The following COL5A1 variants were observed in gnomAD, a reference collection of about 807,000 sequenced individuals.
The protein encoded by COL5A1 is collagen type V alpha 1 chain.
Under a neutral mutation model 263.7 loss-of-function variants are expected in COL5A1, and 16 were observed. That is an observed-to-expected ratio of 0.06 (90% CI 0.04 to 0.09). The LOEUF (loss-of-function observed/expected upper bound fraction) is 0.09. Among genes scored for constraint, COL5A1 ranks in the 10% least tolerant of loss-of-function variants. COL5A1 has a pLI of 1.00. For synonymous variants in COL5A1, 1,012 were observed against 1,004.5 expected, an observed-to-expected ratio of 1.01 and a Z score of -0.14; for missense variants, 2,036 against 2,540.5, an observed-to-expected ratio of 0.80 and a Z score of 4.27.
intron 43 of COL5A1, among the ~76,000 whole-genome samples, chr9:134,809,730 G>A (rs1275980912): frequency 6.6e-6 from 1 of 152,170 alleles, no homozygotes; most frequent in Non-Finnish European, 1.5e-5. Flanking sequence ...CCAAAACGAT[G>A]GCTGCAGGAG....
intron 57 of COL5A1, 125 bp downstream of exon 57, chr9:134,819,178 T>C: frequency 3.7e-6 from 4 of 1,070,008 alleles, no homozygotes; most frequent in Middle Eastern, 4.3e-4. Flanking sequence ...TGCAGGCTGG[T>C]GGTGGGGAAC....
intron 65 of COL5A1, among the ~76,000 whole-genome samples, chr9:134,836,192 C>T (rs1839850116): frequency 6.6e-6 from 1 of 152,202 alleles, no homozygotes; most frequent in South Asian, 2.1e-4. Context: ...GCAGGCTGTC[C>T]AGGAATCGTT....
At chr9:134,805,811 AG>A (rs202204267) in intron 41 of COL5A1, among the ~76,000 whole-genome samples, 3,606 of 151,302 alleles carry the variant, frequency 0.024, 40 homozygotes, top group East Asian at 0.045. Context: ...CCTGGAGGAG[AG>A]GGGGTGCCCC....
chr9:134,669,530 C>T (rs892903256), intron 1 of COL5A1, among the ~76,000 whole-genome samples: 1 of 152,056 alleles, frequency 6.6e-6, no homozygotes, highest in South Asian at 2.1e-4. Context: ...CACTAGGCGG[C>T]CAGGAGTGGC....
intron 18 of COL5A1, among the ~76,000 whole-genome samples, chr9:134,759,589 T>C (rs200927439): frequency 0.05 from 2,227 of 44,842 alleles, 352 homozygotes; most frequent in African/African-American, 0.18. Flanking sequence ...CCCCCACACA[T>C]GCATACACCC....
chr9:134,754,230 A>C lies in COL5A1; in HGVS notation c.1774-43A>C, dbSNP rs775340168. On this transcript the variant is annotated intron_variant, in intron 15 of 65. Transcript: ENST00000371817. The surrounding 1 kb of genome is among the most constrained non-coding windows in gnomAD (Gnocchi z 4.3). ...CAAGGCTTTGCTCTTTCTCCTGAGA[A>C]AGGCGGACTCGCCACTGACCCTTTG... 6.2e-7 allele frequency: 1 copy of C among 1,604,054 alleles called. No individual in the cohort carries two copies. Among genetic ancestry groups the C allele is most frequent in the South Asian group, 1.1e-5 (1 of 90,912 alleles).
intron 39 of COL5A1, 126 bp from the exon 40 acceptor site, chr9:134,804,849 G>C (rs1838237630): frequency 1.2e-6 from 1 of 807,876 alleles, no homozygotes; most frequent in African/African-American, 1.7e-5. Context: ...CCTCGCTCTG[G>C]GACTGGTGAG....
chr9:134,668,350 C>T (rs1361801836), intron 1 of COL5A1, among the ~76,000 whole-genome samples: 5 of 152,090 alleles, frequency 3.3e-5, no homozygotes, highest in East Asian at 1.9e-4. Context: ...GAGTGGGAGT[C>T]GGGGGAAGAG....
Position 134,816,957 on chromosome 9 carries a change from A to G in COL5A1, c.4123-69A>G, listed in dbSNP as rs3811149. On this transcript the variant is annotated intron_variant, in intron 52 of 65. Transcript: ENST00000371817. ...GAGGAGTAAATAGACTGAAATCGCC[A>G]TGTGTTTTGCCTCAATTGAGTCTAA... is the stretch of plus-strand genomic sequence containing the variant. The G allele has an allele frequency of 0.56, 773,507 of 1,381,236 alleles. 220,753 individuals are homozygous for G. Among genetic ancestry groups the G allele is most frequent in the African/African-American group, 0.82 (57,912 of 70,446 alleles). 85.6% of individuals were successfully genotyped at this position (1,381,236 alleles called of 1,614,324 possible).
chr9:134,835,328 C>T (rs1839815348), intron 65 of COL5A1, 124 bp downstream of exon 65: 2 of 830,780 alleles, frequency 2.4e-6, no homozygotes, highest in African/African-American at 1.7e-5. Flanking sequence ...CCGGACCAGA[C>T]TCTCGCCCCA....
chr9:134,784,472 C>A (rs959600086), intron 29 of COL5A1, among the ~76,000 whole-genome samples: 3 of 152,196 alleles, frequency 2.0e-5, no homozygotes, highest in Admixed American at 6.5e-5. Context: ...TTGGACGAGG[C>A]GGAATTTAAG....
At chr9:134,787,543 C>T (rs1268396526) in intron 31 of COL5A1, among the ~76,000 whole-genome samples, 7 of 152,194 alleles carry the variant, frequency 4.6e-5, no homozygotes, top group Non-Finnish European at 1.0e-4. Flanking sequence ...TGAGCGACCT[C>T]ACTGCGGTGC....
chr9:134,807,750 T>C (rs1373479728), intron 42 of COL5A1, among the ~76,000 whole-genome samples: 4 of 152,252 alleles, frequency 2.6e-5, no homozygotes, highest in African/African-American at 9.6e-5. Flanking sequence ...TGGTGTCTTC[T>C]AATCATTTCC....
intron 65 of COL5A1, among the ~76,000 whole-genome samples, chr9:134,836,260 G>C (rs1839852382): frequency 6.6e-6 from 1 of 151,416 alleles, no homozygotes. Context: ...GTCTTGGGAA[G>C]GTGAAGGGGC....
chr9:134,684,722 C>T, intron 1 of COL5A1, among the ~76,000 whole-genome samples: 1 of 152,188 alleles, frequency 6.6e-6, no homozygotes, highest in Non-Finnish European at 1.5e-5. Context: ...CGTGGAAATG[C>T]CTGTTGGGGA....
At chr9:134,817,736 G>A in intron 53 of COL5A1, 42 bp from the exon 54 acceptor site, 1 of 1,597,966 alleles carries the variant, frequency 6.3e-7, no homozygotes, top group Non-Finnish European at 8.6e-7. Flanking sequence ...CTCCACCCCT[G>A]CAGGCCACAC....
chr9:134,652,649 C>A lies in COL5A1; in HGVS notation c.109+10353C>A. The stretch of plus-strand genomic sequence containing the variant: ...GCCCCCACCAAAAAGACTGACCCAG[C>A]CCGGAGGCTGCAGGAATCGTGGGAT... On this transcript the variant is annotated intron_variant, in intron 1 of 65. Coordinates refer to ENST00000371817, the MANE Select transcript of COL5A1 (RefSeq NM_000093.5). This position sits in a 1 kb window ranked among gnomAD's most constrained non-coding sequence, Gnocchi z 4.4. 1 of 470,338 alleles carries A rather than the reference C, an allele frequency of 2.1e-6. No individual in the cohort carries two copies. The highest frequency in any genetic ancestry group is 4.4e-6 in the Non-Finnish European group (1 of 226,644). 29.1% of individuals were successfully genotyped at this position (470,338 alleles called of 1,614,324 possible). A position where few individuals can be genotyped will look rare whatever the true frequency, so the allele number is the denominator to read the frequency against.
intron 31 of COL5A1, among the ~76,000 whole-genome samples, chr9:134,786,936 A>G (rs1323251563): frequency 6.6e-6 from 1 of 152,132 alleles, no homozygotes; most frequent in Admixed American, 6.5e-5. Context: ...TTCCATTCTC[A>G]TTAAGGAAAT....
chr9:134,670,349 G>C (rs1037508491), intron 1 of COL5A1, among the ~76,000 whole-genome samples: 1 of 152,218 alleles, frequency 6.6e-6, no homozygotes, highest in African/African-American at 2.4e-5. Context: ...TTTTATTGCA[G>C]AATTACATTC....
Sources: gnomAD v4.1 joint callset for allele counts (sites outside exome capture counted in the v4.1 genomes callset) on GRCh38, gnomAD v4.1.1 for gene constraint, Gnocchi (gnomAD v3.1) non-coding constraint, MANE v1.5 for transcripts, NCBI Gene and HGNC (gene_info 2026-07-23, HGNC 2026-07-21) for gene names.